RALA: variants seen among roughly 807,000 people sequenced by gnomAD.
RALA encodes the protein RAS like proto-oncogene A, also known as ras-related protein Ral-A.
A neutral mutation model predicts 24.0 loss-of-function variants in RALA; 5 were observed. That is an observed-to-expected ratio of 0.21 (90% confidence interval 0.11 to 0.44). RALA has a LOEUF of 0.44. Among genes scored for constraint, RALA ranks in the 20% least tolerant of loss-of-function variants. RALA has a pLI of 0.99. For synonymous variants in RALA, 77 were observed against 83.8 expected (o/e 0.92, Z 0.44); for missense variants, 95 against 241.2 (o/e 0.39, Z 4.01).
At chr7:39,660,982 C>T (rs897003298) in intron 1 of RALA, among the ~76,000 whole-genome samples, 8 of 152,120 alleles carry the variant, frequency 5.3e-5, no homozygotes, top group African/African-American at 1.9e-4. Flanking sequence ...TGGACTCAAA[C>T]TTTTCCTGTG....
chr7:39,670,898 C>T (rs1292814278), intron 1 of RALA, among the ~76,000 whole-genome samples: 1 of 151,812 alleles, frequency 6.6e-6, no homozygotes. Flanking sequence ...TGATTTCCAT[C>T]ATTTCCTTAC....
intron 3 of RALA, among the ~76,000 whole-genome samples, chr7:39,695,195 T>C (rs1186524233): frequency 6.6e-6 from 1 of 152,160 alleles, no homozygotes; most frequent in Non-Finnish European, 1.5e-5. Context: ...GGGCAGGGAT[T>C]GGTTCCAGGA....
At chr7:39,692,205 C>T (rs1391405736) in intron 3 of RALA, among the ~76,000 whole-genome samples, 1 of 152,166 alleles carries the variant, frequency 6.6e-6, no homozygotes, top group Non-Finnish European at 1.5e-5. Context: ...CAGCTCCTCC[C>T]TTTAGCCTTC....
intron 4 of RALA, chr7:39,697,532 C>T (rs1245756803): frequency 1.8e-5 from 8 of 443,658 alleles, no homozygotes; most frequent in Admixed American, 9.9e-5. Flanking sequence ...TCTTAAAGGC[C>T]TCCAAGTGGG....
At chr7:39,630,785 C>T (rs922080680) in intron 1 of RALA, among the ~76,000 whole-genome samples, 5 of 152,082 alleles carry the variant, frequency 3.3e-5, no homozygotes, top group Admixed American at 1.3e-4. Flanking sequence ...CTTGTTCCTT[C>T]TATATGCAGT....
intron 1 of RALA, among the ~76,000 whole-genome samples, chr7:39,675,596 C>T (rs1409138184): frequency 2.0e-5 from 3 of 151,992 alleles, no homozygotes; most frequent in African/African-American, 4.8e-5. Flanking sequence ...GAGGGTGGTG[C>T]GTGCCTGTAG....
At chr7:39,686,450 G>T (rs1398375181) in intron 1 of RALA, among the ~76,000 whole-genome samples, 181 bp from the exon 2 acceptor site, 2 of 152,068 alleles carry the variant, frequency 1.3e-5, no homozygotes, top group Non-Finnish European at 2.9e-5. Flanking sequence ...TTATTGCCAT[G>T]GTATTCTCTG....
chr7:39,653,054 G>A (rs1792044764), intron 1 of RALA, among the ~76,000 whole-genome samples: 1 of 145,026 alleles, frequency 6.9e-6, no homozygotes, highest in Admixed American at 6.8e-5. Flanking sequence ...TTTTGAGACG[G>A]AGTCTCACTC....
At chr7:39,667,758 C>T (rs2116013794) in intron 1 of RALA, among the ~76,000 whole-genome samples, 1 of 152,352 alleles carries the variant, frequency 6.6e-6, no homozygotes, top group East Asian at 1.9e-4. Context: ...TCTTTTTGAA[C>T]TCACAGCCTG....
At chr7:39,701,247 A>G (rs2237499) in intron 4 of RALA, among the ~76,000 whole-genome samples, 56,255 of 152,136 alleles carry the variant, frequency 0.37, 12,676 homozygotes, top group African/African-American at 0.63. Flanking sequence ...AGGTGCCACC[A>G]CACCTATAAT....
At chr7:39,674,047 AAATAAAT>A (rs1562618710) in intron 1 of RALA, among the ~76,000 whole-genome samples, 5,132 of 147,418 alleles carry the variant, frequency 0.035, 164 homozygotes, top group East Asian at 0.16. Context: ...CACTGTAAAT[AAATAAAT>A]AAATAAATAA....
intron 4 of RALA, among the ~76,000 whole-genome samples, chr7:39,700,130 AAAAAT>A (rs1341078344): frequency 3.9e-5 from 6 of 152,358 alleles, no homozygotes; most frequent in South Asian, 2.1e-4. Context: ...TCAAAAAATA[AAAAAT>A]AAAATAAAGG....
At chr7:39,632,378 T>C (rs1791612894) in intron 1 of RALA, among the ~76,000 whole-genome samples, 1 of 152,228 alleles carries the variant, frequency 6.6e-6, no homozygotes, top group Non-Finnish European at 1.5e-5. Flanking sequence ...AGTGTAACAA[T>C]GTCTTTAATA....
chr7:39,685,034 A>G (rs1287981146), intron 1 of RALA, among the ~76,000 whole-genome samples: 1 of 151,046 alleles, frequency 6.6e-6, no homozygotes, highest in Non-Finnish European at 1.5e-5. Flanking sequence ...TGCAAAAGTA[A>G]TTGCGGTTTT....
At chr7:39,690,250 G>A in intron 2 of RALA, 132 bp from the exon 3 acceptor site, 1 of 674,460 alleles carries the variant, frequency 1.5e-6, no homozygotes, top group Non-Finnish European at 2.4e-6. Flanking sequence ...TTTACCATTG[G>A]AGGAATCTGG....
intron 1 of RALA, among the ~76,000 whole-genome samples, chr7:39,644,341 C>T (rs190582105): frequency 2.0e-3 from 301 of 152,166 alleles, no homozygotes; most frequent in African/African-American, 6.9e-3. Context: ...GTTGAATCAT[C>T]AAGGTTTTCC....
At chr7:39,664,707 A>G (rs889798070) in intron 1 of RALA, among the ~76,000 whole-genome samples, 2 of 152,118 alleles carry the variant, frequency 1.3e-5, no homozygotes, top group Admixed American at 1.3e-4. Flanking sequence ...CAAACAATAA[A>G]TTCCTGCTGG....
chr7:39,633,040 A>G (rs1472397725), intron 1 of RALA, among the ~76,000 whole-genome samples: 1 of 152,200 alleles, frequency 6.6e-6, no homozygotes, highest in East Asian at 1.9e-4. Flanking sequence ...TAGATGCCAC[A>G]GGGTGACCTC....
In RALA at chr7:39,699,048, A is replaced by G. The variant is rs188179414; in HGVS notation, c.498+2189A>G. On this transcript the variant is annotated intron_variant, in intron 4 of 4. Transcript: ENST00000005257. ...GAGTATAGAAAAACAGGAACCTCTC[A>G]TATGTTGGTGGAAGGGCAGTTTTGT... Among the ~76,000 whole-genome samples the G allele has an allele frequency of 1.7e-3, 257 of 151,480 alleles. 1 individual carries two copies. The highest frequency in any genetic ancestry group is 0.01 in the Middle Eastern group (3 of 292).
Sources: allele counts gnomAD v4.1 joint callset (sites outside exome capture counted in the v4.1 genomes callset), GRCh38; gene constraint gnomAD v4.1.1; transcripts MANE v1.5; gene names NCBI Gene and HGNC (gene_info 2026-07-23, HGNC 2026-07-21).